The following BRI3 variants were observed in gnomAD, a reference collection of about 807,000 sequenced individuals.
The protein encoded by BRI3 is brain protein I3, also known as membrane protein BRI3.
BRI3 carries 6 observed loss-of-function variants against 12.8 expected under a neutral mutation model. The ratio of observed to expected loss-of-function variants is 0.47; its 90% CI spans 0.26 to 0.93. The LOEUF (loss-of-function observed/expected upper bound fraction) is 0.93. BRI3 is among the 40% of genes least tolerant of loss of function. BRI3 has a pLI of 0.15. For synonymous variants in BRI3, 91 were observed against 76.1 expected (o/e 1.20, Z -1.02); for missense variants, 134 against 171.1 (o/e 0.78, Z 1.21).
downstream of BRI3, chr7:98,291,655 T>C: frequency 5.3e-6 from 2 of 376,128 alleles, no homozygotes; most frequent in Non-Finnish European, 7.5e-6. Context: ...GAAAATGTTT[T>C]CAAGTTCTGC....
chr7:98,310,560 G>A, downstream of BRI3: 1 of 1,590,364 alleles, frequency 6.3e-7, no homozygotes, highest in Non-Finnish European at 8.5e-7. Context: ...TCTTTGGTGA[G>A]CATTTAGAAA....
upstream of BRI3, among the ~76,000 whole-genome samples, chr7:98,305,138 G>T (rs989496871): frequency 7.3e-6 from 1 of 137,312 alleles, no homozygotes; most frequent in Admixed American, 8.1e-5. Flanking sequence ...TGATCTGCCC[G>T]CCTCGGCCTC....
chr7:98,313,344 T>G (rs532147072), downstream of BRI3, among the ~76,000 whole-genome samples: 81 of 152,210 alleles, frequency 5.3e-4, 1 homozygote, highest in Admixed American at 3.7e-3. Context: ...AAAGCATTAC[T>G]GGGACCGATG....
At chr7:98,317,525 T>C in the BRI3 span, among the ~76,000 whole-genome samples, 2 of 148,570 alleles carry the variant, frequency 1.3e-5, no homozygotes, top group Non-Finnish European at 3.0e-5. Context: ...GTTCACACCA[T>C]CCTCCTGCTG....
the BRI3 span, chr7:98,320,429 G>T: frequency 1.5e-6 from 1 of 654,246 alleles, no homozygotes; most frequent in Non-Finnish European, 2.7e-6. Context: ...TCCGCCTCCC[G>T]GGTTCAAACT....
downstream of BRI3, among the ~76,000 whole-genome samples, chr7:98,312,892 G>A (rs1416460643): frequency 1.3e-5 from 2 of 152,186 alleles, no homozygotes; most frequent in South Asian, 2.1e-4. Flanking sequence ...CCACAAGCCT[G>A]GCTCTGCTCC....
the BRI3 span, chr7:98,315,584 C>G: frequency 8.1e-6 from 12 of 1,472,550 alleles, no homozygotes; most frequent in East Asian, 2.8e-4. Flanking sequence ...CTGGATTTCA[C>G]TCTGACGAGA....
chr7:98,307,410 C>A, intron 1 of BRI3: 1 of 1,268,688 alleles, frequency 7.9e-7, no homozygotes, highest in Non-Finnish European at 1.0e-6. Context: ...TGGCCAAATG[C>A]TAAATTTTTT....
upstream of BRI3, chr7:98,306,432 G>C (rs1562966797): frequency 8.1e-6 from 13 of 1,614,066 alleles, no homozygotes; most frequent in African/African-American, 1.6e-4. Context: ...GCCACGTTCA[G>C]GGCTACCTTG....
At chr7:98,304,626 C>A (rs528841838), upstream of BRI3, among the ~76,000 whole-genome samples, 1 of 152,292 alleles carries the variant, frequency 6.6e-6, no homozygotes, top group East Asian at 1.9e-4. Context: ...CAGCTCACTG[C>A]AACCTCTGCC....
At chr7:98,287,847 C>T (rs1799761743) in intron 2 of BRI3, among the ~76,000 whole-genome samples, 1 of 152,220 alleles carries the variant, frequency 6.6e-6, no homozygotes, top group Non-Finnish European at 1.5e-5. Context: ...CTCTGCTGCG[C>T]CCCATGGGCG....
At chr7:98,293,248 A>G (rs549733432), downstream of BRI3, 26 of 375,396 alleles carry the variant, frequency 6.9e-5, no homozygotes, top group African/African-American at 4.5e-4. Flanking sequence ...TACAGTAAAG[A>G]TTGAAACCAA....
At chr7:98,292,561 T>C (rs1800012488), downstream of BRI3, 2 of 1,381,278 alleles carry the variant, frequency 1.4e-6, no homozygotes, top group Non-Finnish European at 2.0e-6. Context: ...AGCCAGTGCG[T>C]AGTCCTCACA....
chr7:98,317,276 G>T, the BRI3 span: 4 of 1,614,152 alleles, frequency 2.5e-6, no homozygotes, highest in South Asian at 1.1e-5. Flanking sequence ...TTTTCCTTCT[G>T]ATCTTCTTCA....
Position 98,281,696 on chromosome 7 carries a change from G to C in BRI3, c.-100G>C. The C allele has an allele frequency of 5.7e-6, 2 of 349,230 alleles. No individual in the cohort carries two copies. The highest frequency in any genetic ancestry group is 7.9e-6 in the Non-Finnish European group (2 of 253,256). The allele number at this position is 349,230 out of a possible 1,614,324, so 21.6% of individuals were successfully genotyped here. The stretch of plus-strand genomic sequence containing the variant: ...CCCCGCGTCTGCCTCAGAGGGGCCC[G>C]AGCCACCCGGTCCGCCGCGTCCCCG... On this transcript the variant is annotated 5_prime_UTR_variant, in exon 1 of 3. Coordinates refer to ENST00000297290, the MANE Select transcript of BRI3 (RefSeq NM_015379.5).
rs1016603202 is a variant in BRI3 at position 98,291,390 on chromosome 7, G to T, written c.*147G>T. On this transcript the variant is annotated 3_prime_UTR_variant, in exon 3 of 3. Transcript: ENST00000297290. Reference sequence around the variant, plus strand: ...GGCACACGCCAGCTGCGGTTTCCCGGAGCGTGGAGAGGCAGTGCTGCTGCT... The same window carrying T: ...GGCACACGCCAGCTGCGGTTTCCCGTAGCGTGGAGAGGCAGTGCTGCTGCT... The T allele has an allele frequency of 1.1e-5, 16 of 1,468,308 alleles. No individual in the cohort carries two copies. Among genetic ancestry groups the T allele is most frequent in the Admixed American group, 5.1e-5 (2 of 39,568 alleles). The allele number at this position is 1,468,308 out of a possible 1,614,324, so 91.0% of individuals were successfully genotyped here. A position where few individuals can be genotyped will look rare whatever the true frequency, so the allele number is the denominator to read the frequency against.
In BRI3 at chr7:98,307,666, G is replaced by C. The variant is rs541005179; in HGVS notation, n.296G>C. On this transcript the variant is annotated non_coding_transcript_exon_variant, in exon 2 of 2. Transcript: ENST00000485422. ...GGGAGGGGCCGTCTGGTGCCCTGCG[G>C]GGACCATCACGCCCAGACTTACGCC... is the stretch of plus-strand genomic sequence containing the variant. 4.3e-6 allele frequency: 7 copies of C among 1,612,738 alleles called. No homozygotes were observed. In the South Asian group the frequency reaches 7.7e-5, roughly 18 times the overall value.
chr7:98,287,012 C>T (rs957477842), intron 2 of BRI3, among the ~76,000 whole-genome samples: 1 of 152,186 alleles, frequency 6.6e-6, no homozygotes, highest in South Asian at 2.1e-4. Context: ...AGGTGAGGGC[C>T]GAACTCTCCT....
intron 1 of BRI3, among the ~76,000 whole-genome samples, chr7:98,299,562 G>A (rs896558406): frequency 2.6e-5 from 4 of 151,914 alleles, no homozygotes; most frequent in Admixed American, 6.6e-5. Context: ...TTTCTCTGTC[G>A]CTCAGGCTGG....
Sources: gnomAD v4.1 joint callset for allele counts (sites outside exome capture counted in the v4.1 genomes callset) on GRCh38, gnomAD v4.1.1 for gene constraint, MANE v1.5 for transcripts, NCBI Gene and HGNC (gene_info 2026-07-23, HGNC 2026-07-21) for gene names.